OSBPL6: variants seen among roughly 807,000 people sequenced by gnomAD.
OSBPL6 encodes the protein oxysterol binding protein like 6.
OSBPL6 carries 49 observed loss-of-function variants against 125.8 expected under a neutral mutation model. The observed-to-expected ratio is 0.39, with a 90% confidence interval of 0.31 to 0.49. The LOEUF is 0.49. OSBPL6 is among the 20% of genes least tolerant of loss of function. OSBPL6 has a pLI of 0.88. For missense variants in OSBPL6, 986 were observed against 1,135.4 expected (o/e 0.87, Z 1.89); for synonymous variants, 394 against 391.8 (o/e 1.01, Z -0.07).
chr2:178,221,767 G>A (rs779335924), intron 1 of OSBPL6, among the ~76,000 whole-genome samples: 6 of 152,198 alleles, frequency 3.9e-5, no homozygotes, highest in Non-Finnish European at 4.4e-5. Flanking sequence ...GAGTAGGGAG[G>A]AGGGCTGGTT....
chr2:178,320,152 A>G, intron 3 of OSBPL6: 1 of 1,158,978 alleles, frequency 8.6e-7, no homozygotes, highest in Non-Finnish European at 1.2e-6. Flanking sequence ...GAGTTGCACC[A>G]AACCATTCAG....
At chr2:178,374,266 C>T (rs10167053) in intron 15 of OSBPL6, among the ~76,000 whole-genome samples, 85,333 of 151,988 alleles carry the variant, frequency 0.56, 24,367 homozygotes, top group East Asian at 0.88. Flanking sequence ...AGGGAAAGAA[C>T]CAACATTTAT....
At chr2:178,390,411 C>A (rs746812020) in intron 21 of OSBPL6, among the ~76,000 whole-genome samples, 1 of 152,328 alleles carries the variant, frequency 6.6e-6, no homozygotes, top group South Asian at 2.1e-4. Flanking sequence ...TTCACACCCC[C>A]ACAAACAACC....
At chr2:178,317,258 T>A (rs1469147411) in intron 3 of OSBPL6, among the ~76,000 whole-genome samples, 1 of 151,162 alleles carries the variant, frequency 6.6e-6, no homozygotes, top group Non-Finnish European at 1.5e-5. Flanking sequence ...TCGATAAGAA[T>A]AAAATTAGAA....
intron 2 of OSBPL6, among the ~76,000 whole-genome samples, chr2:178,288,720 C>T (rs965791293): frequency 3.3e-5 from 5 of 151,684 alleles, no homozygotes; most frequent in Admixed American, 6.6e-5. Flanking sequence ...GCGATCTCAG[C>T]TCACTACAAC....
intron 11 of OSBPL6, among the ~76,000 whole-genome samples, chr2:178,341,799 C>T (rs1690224629): frequency 1.3e-5 from 2 of 152,116 alleles, no homozygotes. Flanking sequence ...GAGCTTGGTC[C>T]TATCTGTGGA....
rs576323450 is a variant in OSBPL6 at position 178,356,623 on chromosome 2, T to C, written c.1154-5059T>C. 1.2e-4 allele frequency among the ~76,000 whole-genome samples: 19 copies of C among 152,302 alleles called. 1 individual carries two copies. In the South Asian group the frequency reaches 3.9e-3, roughly 32 times the overall value. On this transcript the variant is annotated intron_variant, in intron 12 of 24. Transcript: ENST00000190611. ...CAAATGGAAGAACATTCCATGCTCA[T>C]AGATAGGAAGAATCAATATTGTGAA...
intron 2 of OSBPL6, among the ~76,000 whole-genome samples, chr2:178,287,108 G>A (rs1291754068): frequency 1.3e-5 from 2 of 150,504 alleles, no homozygotes; most frequent in South Asian, 4.2e-4. Flanking sequence ...ACTCAACGTG[G>A]GGAAACTGAC....
intron 24 of OSBPL6, 101 bp downstream of exon 24, chr2:178,394,536 T>C: frequency 1.2e-5 from 16 of 1,383,978 alleles, no homozygotes; most frequent in Non-Finnish European, 1.5e-5. Context: ...TAAATGGATT[T>C]TGGTATCTTT....
At chr2:178,298,355 C>T (rs963295677) in intron 2 of OSBPL6, among the ~76,000 whole-genome samples, 2 of 152,182 alleles carry the variant, frequency 1.3e-5, no homozygotes, top group African/African-American at 4.8e-5. Context: ...GTATCTTAGC[C>T]TGTGATTTTA....
In OSBPL6 at chr2:178,210,139, C is replaced by CGTCCTGAGTAGCTGGGTGCCTCAGT. The variant is rs2089777672; in HGVS notation, c.-351+15481_-351+15482insTGCCTCAGTGTCCTGAGTAGCTGGG. Among the ~76,000 whole-genome samples, 7 of 152,214 alleles carry CGTCCTGAGTAGCTGGGTGCCTCAGT rather than the reference C, an allele frequency of 4.6e-5. 1 individual carries two copies. Among genetic ancestry groups the CGTCCTGAGTAGCTGGGTGCCTCAGT allele is most frequent in the African/African-American group, 1.7e-4 (7 of 41,540 alleles). On this transcript the variant is annotated intron_variant, in intron 1 of 24. Transcript: ENST00000190611. ...GGTTGAAGAGATTCTCCTGCCTCAG[C>CGTCCTGAGTAGCTGGGTGCCTCAGT]GTCCTGAGTAGCTGGGATTACAGGT...
chr2:178,387,144 GT>G lies in OSBPL6; in HGVS notation c.2156+6del. The G allele has an allele frequency of 6.2e-7, 1 of 1,601,314 alleles. No homozygotes were observed. Among genetic ancestry groups the G allele is most frequent in the Non-Finnish European group, 8.6e-7 (1 of 1,169,044 alleles). ...ACTGAATGTCATGCTTCCAAAGTAGGTGACTCACACCTCCCTTTTGGCCTCT... is the reference window on the plus strand; with the variant it reads ...ACTGAATGTCATGCTTCCAAAGTAGGGACTCACACCTCCCTTTTGGCCTCT... On this transcript the variant is annotated splice_donor_region_variant and intron_variant, in intron 20 of 24. Coordinates refer to ENST00000190611, the MANE Select transcript of OSBPL6 (RefSeq NM_032523.4).
At chr2:178,362,879 C>T (rs532118117) in intron 13 of OSBPL6, among the ~76,000 whole-genome samples, 3 of 152,246 alleles carry the variant, frequency 2.0e-5, no homozygotes, top group East Asian at 1.9e-4. Flanking sequence ...CGTGAAAATC[C>T]GCTACGATTC....
At chr2:178,269,457 G>T (rs2092324225) in intron 1 of OSBPL6, among the ~76,000 whole-genome samples, 1 of 152,198 alleles carries the variant, frequency 6.6e-6, no homozygotes, top group Admixed American at 6.5e-5. Flanking sequence ...ACCTTTAGAA[G>T]ATGTTGCCAA....
intron 10 of OSBPL6, among the ~76,000 whole-genome samples, 170 bp downstream of exon 10, chr2:178,339,264 G>GTTAA (rs10672348): frequency 0.29 from 43,470 of 151,768 alleles, 6,704 homozygotes; most frequent in Admixed American, 0.4. Flanking sequence ...GTGTCAGTGT[G>GTTAA]TTAAGATGAT....
chr2:178,306,589 TCTC>T (rs1245435962), intron 3 of OSBPL6, among the ~76,000 whole-genome samples: 3 of 152,256 alleles, frequency 2.0e-5, no homozygotes, highest in East Asian at 3.9e-4. Flanking sequence ...TGAACACTCT[TCTC>T]TTCGTTCATG....
intron 1 of OSBPL6, among the ~76,000 whole-genome samples, chr2:178,277,599 T>C (rs542473136): frequency 6.6e-6 from 1 of 152,382 alleles, no homozygotes; most frequent in Non-Finnish European, 1.5e-5. Flanking sequence ...CAAATTAGTT[T>C]ATTAGGGTAT....
chr2:178,224,977 A>G (rs1425205399), intron 1 of OSBPL6, among the ~76,000 whole-genome samples: 1 of 144,740 alleles, frequency 6.9e-6, no homozygotes, highest in Admixed American at 7.1e-5. Flanking sequence ...CTCTCTCTTT[A>G]TCTCTCTCTG....
At chr2:178,386,991 AG>A (rs1382027290) in intron 19 of OSBPL6, 69 bp from the exon 20 acceptor site, 13 of 1,004,416 alleles carry the variant, frequency 1.3e-5, no homozygotes, top group Non-Finnish European at 2.0e-5. Flanking sequence ...GTAATACAAA[AG>A]TTAGTTTTTA....
Sources: allele counts gnomAD v4.1 joint callset (sites outside exome capture counted in the v4.1 genomes callset), GRCh38; gene constraint gnomAD v4.1.1; transcripts MANE v1.5; gene names NCBI Gene and HGNC (gene_info 2026-07-23, HGNC 2026-07-21).